SGK1: variants seen among roughly 807,000 people sequenced by gnomAD.
SGK1 encodes serine/threonine-protein kinase Sgk1.
SGK1 carries 26 observed loss-of-function variants against 64.2 expected under a neutral mutation model. That is an observed-to-expected ratio of 0.40 (90% CI 0.30 to 0.56). The LOEUF (loss-of-function observed/expected upper bound fraction) is 0.56, where lower values mean the gene tolerates loss of function less well. SGK1 is among the 20% of genes least tolerant of loss of function. The probability of loss-of-function intolerance (pLI) is 0.38; values close to 1 mark genes in which losing one functional copy is unlikely to be tolerated. For missense variants in SGK1, 519 were observed against 645.6 expected, an observed-to-expected ratio of 0.80 and a Z score of 2.12; for synonymous variants, 265 against 239.7, an observed-to-expected ratio of 1.11 and a Z score of -0.98.
intron 2 of SGK1, among the ~76,000 whole-genome samples, chr6:134,228,838 G>GT (rs1776228956): frequency 8.0e-6 from 1 of 124,884 alleles, no homozygotes. Flanking sequence ...TCTTGTAGTT[G>GT]TTCTTTTTTT....
chr6:134,238,971 C>T (rs143018340), intron 2 of SGK1, among the ~76,000 whole-genome samples: 3 of 152,216 alleles, frequency 2.0e-5, no homozygotes, highest in Admixed American at 2.0e-4. Flanking sequence ...TAAAATACTT[C>T]ATAATGCCTA....
intron 1 of SGK1, among the ~76,000 whole-genome samples, chr6:134,306,348 G>C (rs1465683532): frequency 1.3e-5 from 2 of 151,854 alleles, no homozygotes; most frequent in Non-Finnish European, 2.9e-5. Flanking sequence ...GCTTGAACCC[G>C]GGAGGCGGAG....
Position 134,240,291 on chromosome 6 carries a change from C to CA in SGK1, c.285+21641dup, listed in dbSNP as rs148740677. Among the ~76,000 whole-genome samples, 255 of 84,350 alleles carry CA rather than the reference C, an allele frequency of 3.0e-3. 3 individuals carry two copies. The highest frequency in any genetic ancestry group is 8.2e-3 in the African/African-American group (190 of 23,232). The allele number at this position is 84,350 out of a possible 152,430, so 55.3% of individuals were successfully genotyped here. On this transcript the variant is annotated intron_variant, in intron 2 of 13. Coordinates refer to ENST00000367858, the MANE Select transcript of SGK1 (RefSeq NM_001143676.3). ...TGGGCGACAGAGTGAGACTCCATCTCAAAAAAAAAAAAAAAAAAAAAAGAG... is the reference window on the plus strand; with the variant it reads ...TGGGCGACAGAGTGAGACTCCATCTCAAAAAAAAAAAAAAAAAAAAAAAGAG...
At chr6:134,272,591 C>A (rs972143987) in intron 1 of SGK1, among the ~76,000 whole-genome samples, 2 of 147,126 alleles carry the variant, frequency 1.4e-5, no homozygotes, top group African/African-American at 4.9e-5. Context: ...CTCTTTACAC[C>A]CACAAACTCT....
chr6:134,239,475 T>C (rs1385114250), intron 2 of SGK1, among the ~76,000 whole-genome samples: 1 of 152,232 alleles, frequency 6.6e-6, no homozygotes, highest in East Asian at 1.9e-4. Context: ...CTGATGTAGA[T>C]AGTATCAGCC....
intron 3 of SGK1, among the ~76,000 whole-genome samples, chr6:134,189,205 GGT>G (rs71545087): frequency 0.012 from 1,705 of 148,132 alleles, 14 homozygotes; most frequent in African/African-American, 0.024. Context: ...CTTTTATACA[GGT>G]GTGTGTGTGT....
chr6:134,192,414 T>A (rs77956852), intron 3 of SGK1, among the ~76,000 whole-genome samples: 4,598 of 152,308 alleles, frequency 0.03, 210 homozygotes, highest in African/African-American at 0.1. Context: ...ATCCTTTGCA[T>A]TTTCTTTCTA....
intron 1 of SGK1, among the ~76,000 whole-genome samples, chr6:134,272,141 C>CT (rs369377380): frequency 0.014 from 1,780 of 129,398 alleles, 72 homozygotes; most frequent in African/African-American, 0.039. Flanking sequence ...CGTGCCCAGC[C>CT]TTTTTTTTTT....
intron 2 of SGK1, chr6:134,259,715 G>A (rs1776735133): frequency 6.6e-6 from 1 of 152,226 alleles, no homozygotes; most frequent in Non-Finnish European, 1.5e-5. Flanking sequence ...TTAGGCAAAG[G>A]CTAAAATATT....
At chr6:134,206,869 GAAAAAAAAAAAAAAC>G (rs1305174181) in intron 3 of SGK1, among the ~76,000 whole-genome samples, 2 of 81,936 alleles carry the variant, frequency 2.4e-5, no homozygotes, top group Admixed American at 2.8e-4. Flanking sequence ...TCCGTCTCCA[GAAAAAAAAAAAAAAC>G]AAAAAAAAAA....
intron 1 of SGK1, among the ~76,000 whole-genome samples, chr6:134,312,136 A>G (rs1777617853): frequency 6.6e-6 from 1 of 152,224 alleles, no homozygotes; most frequent in African/African-American, 2.4e-5. Context: ...AATTCTGGCT[A>G]TACCTCTTCC....
At chr6:134,276,171 C>G (rs1353122636) in intron 1 of SGK1, among the ~76,000 whole-genome samples, 1 of 152,152 alleles carries the variant, frequency 6.6e-6, no homozygotes. Context: ...TCCCAACATA[C>G]AGGCAATGCT....
chr6:134,178,975 CTCT>C (rs147846657), intron 3 of SGK1, among the ~76,000 whole-genome samples: 7,459 of 152,052 alleles, frequency 0.049, 613 homozygotes, highest in African/African-American at 0.17. Context: ...AATTTTTTCA[CTCT>C]TCTATTTTAT....
chr6:134,277,782 A>G lies in SGK1; in HGVS notation c.70-15634T>C, dbSNP rs74424637. 6.8e-3 allele frequency among the ~76,000 whole-genome samples: 1,040 copies of G among 152,328 alleles called. 12 individuals are homozygous for G. The highest frequency in any genetic ancestry group is 0.022 in the African/African-American group (903 of 41,554). On this transcript the variant is annotated intron_variant, in intron 1 of 13. Transcript: ENST00000367858. ...GGTTTCTATGGGTAAGAATAAGGTT[A>G]AGTGTGGAGCAGAAAGGGTTACTAA...
At chr6:134,174,312 T>C (rs985008136) in intron 4 of SGK1, 199 bp downstream of exon 4, 3 of 606,206 alleles carry the variant, frequency 4.9e-6, no homozygotes, top group African/African-American at 1.9e-5. Context: ...GAACCATTTA[T>C]CTTACATCTC....
intron 3 of SGK1, chr6:134,175,606 G>C: frequency 6.5e-7 from 1 of 1,548,382 alleles, no homozygotes; most frequent in Non-Finnish European, 8.7e-7. Flanking sequence ...TTTGTGGCGG[G>C]GCCGCAGCAG....
intron 2 of SGK1, among the ~76,000 whole-genome samples, chr6:134,228,715 G>T (rs1294786663): frequency 6.6e-6 from 1 of 152,282 alleles, no homozygotes; most frequent in South Asian, 2.1e-4. Context: ...GGCAGAAGTG[G>T]ATCCTATGTA....
rs1777710232 is a variant in SGK1, at chr6:134,317,796, C to T, written c.-336G>A. 1 of 239,700 alleles carries T rather than the reference C, an allele frequency of 4.2e-6. No homozygotes were observed. Among genetic ancestry groups the T allele is most frequent in the Non-Finnish European group, 8.0e-6 (1 of 124,814 alleles). 14.8% of individuals were successfully genotyped at this position (239,700 alleles called of 1,614,324 possible). A position where few individuals can be genotyped will look rare whatever the true frequency, so the allele number is the denominator to read the frequency against. ...TCTTACCGAGCGGGAGAAGGGTACG[C>T]CTCCCCGCCCCCAGCTACCTGGCTG... On this transcript the variant is annotated 5_prime_UTR_variant, in exon 1 of 14. Coordinates refer to ENST00000367858, the MANE Select transcript of SGK1 (RefSeq NM_001143676.3).
intron 2 of SGK1, among the ~76,000 whole-genome samples, chr6:134,210,248 G>A (rs1442415501): frequency 6.6e-6 from 1 of 152,202 alleles, no homozygotes; most frequent in African/African-American, 2.4e-5. Context: ...CATACCATAT[G>A]TGACAACGTG....
Sources: allele counts gnomAD v4.1 joint callset (sites outside exome capture counted in the v4.1 genomes callset), GRCh38; gene constraint gnomAD v4.1.1; transcripts MANE v1.5; gene names NCBI Gene and HGNC (gene_info 2026-07-23, HGNC 2026-07-21).